OSTM1: variants seen among roughly 807,000 people sequenced by gnomAD.
OSTM1 encodes osteopetrosis-associated transmembrane protein 1.
A neutral mutation model predicts 35.4 loss-of-function variants in OSTM1; 26 were observed. The ratio of observed to expected loss-of-function variants is 0.73; its 90% CI spans 0.54 to 1.02. The LOEUF is 1.02. Among genes scored for constraint, OSTM1 ranks in the 50% least tolerant of loss-of-function variants. The probability of loss-of-function intolerance (pLI) is 0.00; values close to 1 mark genes in which losing one functional copy is unlikely to be tolerated. For missense variants in OSTM1, 366 were observed against 409.6 expected (o/e 0.89, Z 0.92); for synonymous variants, 181 against 165.0 (o/e 1.10, Z -0.75).
rs1348867692 is a variant in OSTM1, at chr6:108,074,277, C to G, written c.375G>C (p.Lys125Asn). The G allele has an allele frequency of 6.2e-6, 10 of 1,612,416 alleles. No individual in the cohort carries two copies. Among genetic ancestry groups the G allele is most frequent in the Admixed American group, 3.3e-5 (2 of 59,978 alleles). ...CCGCGGCTCGGCTGATGTTGTCCAT[C>G]TTGCTGACGACCTGTTGGAAGAGGG... ...CYPLFQQVVS[K>N]MDNISRAAGN... The change falls in exon 1 of 6, where the codon AAG becomes AAC. Residue 125 changes from lysine to asparagine, a missense_variant. This residue lies in a region of OSTM1 where 236 missense variants were observed against 239.3 expected (regional missense o/e 0.99). Transcript: ENST00000193322.
At chr6:108,072,896 T>G (rs1177135812) in intron 1 of OSTM1, among the ~76,000 whole-genome samples, 1 of 152,130 alleles carries the variant, frequency 6.6e-6, no homozygotes, top group Non-Finnish European at 1.5e-5. Context: ...TAGCTGGAAC[T>G]ACAGACGTGT....
intron 3 of OSTM1, among the ~76,000 whole-genome samples, chr6:108,051,853 T>C (rs1001749032): frequency 1.3e-5 from 2 of 152,246 alleles, no homozygotes; most frequent in Admixed American, 1.3e-4. Context: ...CTCAATATTT[T>C]GTACTTCTAG....
At position 108,051,187 on chromosome 6, in the gene OSTM1, A is replaced by G. The variant is rs774488846; in HGVS notation, c.627T>C (p.His209=). 15 of 1,611,426 alleles carry G rather than the reference A, an allele frequency of 9.3e-6. No homozygotes were observed. In the East Asian group the frequency reaches 3.1e-4, roughly 34 times the overall value. The part of the protein sequence containing the change: ...CFEHNLQGNA[H]SLLQTKNYSE... ...AATAATTTTTTGTCTGTAAAAGACTATGTGCATTCCCCTAAAATGACAAAG... is the reference window on the plus strand; with the variant it reads ...AATAATTTTTTGTCTGTAAAAGACTGTGTGCATTCCCCTAAAATGACAAAG... The change falls in exon 4 of 6, where the codon CAT becomes CAC. Residue 209 remains histidine, a synonymous_variant. Coordinates refer to ENST00000193322, the MANE Select transcript of OSTM1 (RefSeq NM_014028.4).
intron 1 of OSTM1, among the ~76,000 whole-genome samples, chr6:108,072,903 G>A (rs1380289548): frequency 6.6e-6 from 1 of 152,204 alleles, no homozygotes; most frequent in East Asian, 1.9e-4. Flanking sequence ...AACTACAGAC[G>A]TGTACCGCAA....
chr6:108,062,572 G>A (rs1191980189), intron 2 of OSTM1, among the ~76,000 whole-genome samples: 15 of 142,480 alleles, frequency 1.1e-4, no homozygotes, highest in Admixed American at 5.2e-4. Flanking sequence ...GTTGTAGATA[G>A]GGTCTCGTTC....
chr6:108,061,603 G>A (rs545935384), intron 2 of OSTM1, among the ~76,000 whole-genome samples: 1 of 151,984 alleles, frequency 6.6e-6, no homozygotes, highest in South Asian at 2.1e-4. Flanking sequence ...ATAGCTCAAT[G>A]TGGCCTCCAA....
chr6:108,064,846 TA>T lies in OSTM1; in HGVS notation c.403-548del, dbSNP rs374256064. Among the ~76,000 whole-genome samples, 456 of 152,222 alleles carry T rather than the reference TA, an allele frequency of 3.0e-3. 3 individuals carry two copies. Among genetic ancestry groups the T allele is most frequent in the African/African-American group, 0.011 (441 of 41,526 alleles). On this transcript the variant is annotated intron_variant, in intron 1 of 5. Coordinates refer to ENST00000193322, the MANE Select transcript of OSTM1 (RefSeq NM_014028.4). ...AGGAGTTATACAGTGTGATGAATAA[TA>T]AAAGAGTGGTAACTCCTGGGAAACA...
chr6:108,069,677 G>C (rs1772448290), intron 1 of OSTM1, among the ~76,000 whole-genome samples: 1 of 152,146 alleles, frequency 6.6e-6, no homozygotes. Context: ...ACTAAAAGGA[G>C]AAAGTATGAC....
rs1393626141 is a variant in OSTM1 at position 108,049,216 on chromosome 6, C to T, written c.949+37G>A. 13 of 1,450,796 alleles carry T rather than the reference C, an allele frequency of 9.0e-6. No homozygotes were observed. The African/African-American group carries it at 1.1e-4, about 13-fold the overall frequency. The allele number at this position is 1,450,796 out of a possible 1,614,324, so 89.9% of individuals were successfully genotyped here. On this transcript the variant is annotated intron_variant, in intron 5 of 5. Coordinates refer to ENST00000193322, the MANE Select transcript of OSTM1 (RefSeq NM_014028.4). Reference sequence around the variant, plus strand: ...CAGGCCTAAATTTTTAAAATACAGGCTTTTATCTATAAAATAAATAATTGT... The same window carrying T: ...CAGGCCTAAATTTTTAAAATACAGGTTTTTATCTATAAAATAAATAATTGT...
intron 1 of OSTM1, among the ~76,000 whole-genome samples, chr6:108,070,655 C>T (rs940144322): frequency 4.0e-5 from 6 of 151,374 alleles, no homozygotes; most frequent in East Asian, 4.0e-4. Context: ...TCTGGGAGGC[C>T]GAGCCGGGTG....
At chr6:108,053,340 T>A (rs1772114362) in intron 3 of OSTM1, among the ~76,000 whole-genome samples, 2 of 152,216 alleles carry the variant, frequency 1.3e-5, no homozygotes, top group African/African-American at 2.4e-5. Context: ...ATAAAAGGGA[T>A]GACTTTATAG....
Position 108,074,702 on chromosome 6 carries a change from C to T in OSTM1, c.-51G>A. The stretch of plus-strand genomic sequence containing the variant: ...CCCACCGCCGCCTCTCCGCCCCCAG[C>T]CGGCACCGCGGACAGCCGCCGCTTC... On this transcript the variant is annotated 5_prime_UTR_variant, in exon 1 of 6. Transcript: ENST00000193322. 6.8e-7 allele frequency: 1 copy of T among 1,466,142 alleles called. No homozygotes were observed. The highest frequency in any genetic ancestry group is 2.4e-4 in the Middle Eastern group (1 of 4,090). The allele number at this position is 1,466,142 out of a possible 1,614,324, so 90.8% of individuals were successfully genotyped here.
intron 1 of OSTM1, among the ~76,000 whole-genome samples, chr6:108,065,283 A>G (rs1470169093): frequency 7.0e-6 from 1 of 142,796 alleles, no homozygotes; most frequent in Non-Finnish European, 1.5e-5. Flanking sequence ...TCTATCGCCC[A>G]GGCTGGAGTG....
At chr6:108,065,262 T>C (rs1474916072) in intron 1 of OSTM1, among the ~76,000 whole-genome samples, 7 of 148,844 alleles carry the variant, frequency 4.7e-5, no homozygotes, top group South Asian at 2.1e-4. Flanking sequence ...TTTTTTGAGA[T>C]GGAGTCTCAC....
chr6:108,051,441 A>G (rs1381204880), intron 3 of OSTM1, among the ~76,000 whole-genome samples: 8 of 152,196 alleles, frequency 5.3e-5, no homozygotes, highest in Non-Finnish European at 1.5e-5. Flanking sequence ...GCAGATGGCA[A>G]ACTGTTTGGA....
At chr6:108,044,879 A>T (rs775965456) in intron 5 of OSTM1, 39 bp from the exon 6 acceptor site, 38 of 1,045,264 alleles carry the variant, frequency 3.6e-5, no homozygotes, top group Non-Finnish European at 4.9e-5. Context: ...ATTTAAATTT[A>T]ATTATCAAAC....
chr6:108,050,798 A>C (rs1772062798), intron 4 of OSTM1, among the ~76,000 whole-genome samples: 1 of 152,236 alleles, frequency 6.6e-6, no homozygotes, highest in Admixed American at 6.5e-5. Flanking sequence ...TCACTTATGA[A>C]GTACCTAATT....
In OSTM1 at chr6:108,074,609, G is replaced by A. The variant is rs1421591322; in HGVS notation, c.43C>T (p.Pro15Ser). 6.4e-7 allele frequency: 1 copy of A among 1,565,632 alleles called. No individual in the cohort carries two copies. The highest frequency in any genetic ancestry group is 8.6e-7 in the Non-Finnish European group (1 of 1,161,500). ...AGCAGCCCCAGCGGCAGCCACGGCG[G>A]CAACGAACACCTCCGCTGCGCGGCT... ...PTAAQRRCSL[P>S]PWLPLGLLLW... Residue 15 changes from proline (P) to serine (S), a missense_variant, in exon 1 of 6, where the codon CCG (proline) becomes TCG (serine). Pro to Ser is a moderately conservative substitution (Grantham distance 74). This residue lies in a region of OSTM1 where 236 missense variants were observed against 239.3 expected (regional missense o/e 0.99). Transcript: ENST00000193322.
chr6:108,055,916 C>T (rs1772162623), intron 2 of OSTM1, among the ~76,000 whole-genome samples: 1 of 152,134 alleles, frequency 6.6e-6, no homozygotes, highest in East Asian at 1.9e-4. Flanking sequence ...TTGTATTATG[C>T]CCACCTTATT....
Sources: allele counts gnomAD v4.1 joint callset (sites outside exome capture counted in the v4.1 genomes callset), GRCh38; gene constraint gnomAD v4.1.1; regional missense constraint gnomAD v4.1.1; transcripts MANE v1.5; gene names NCBI Gene and HGNC (gene_info 2026-07-23, HGNC 2026-07-21).